Variants in LYPD6 observed in about 807,000 individuals in gnomAD.
LYPD6 encodes the protein ly6/PLAUR domain-containing protein 6.
Under a neutral mutation model 22.7 loss-of-function variants are expected in LYPD6, and 15 were observed. That is an observed-to-expected ratio of 0.66 (90% CI 0.44 to 1.02). The LOEUF is 1.02. Ranked by LOEUF, LYPD6 falls within the 50% of genes least tolerant of loss-of-function variation. The pLI, the probability that LYPD6 is intolerant of heterozygous loss-of-function variation, is 0.00. For synonymous variants in LYPD6, 72 were observed against 77.5 expected, an observed-to-expected ratio of 0.93 and a Z score of 0.37; for missense variants, 189 against 208.4, an observed-to-expected ratio of 0.91 and a Z score of 0.57.
chr2:149,427,147 A>G (rs371777679), intron 1 of LYPD6, among the ~76,000 whole-genome samples: 11 of 152,320 alleles, frequency 7.2e-5, no homozygotes, highest in East Asian at 3.9e-4. Flanking sequence ...AAGGATATAA[A>G]GCATATGCCT....
intron 1 of LYPD6, among the ~76,000 whole-genome samples, chr2:149,351,040 A>G (rs904404598): frequency 4.6e-5 from 7 of 152,228 alleles, no homozygotes; most frequent in Admixed American, 1.3e-4. Context: ...GCAGAATGAC[A>G]TTAGATGAGG....
chr2:149,482,434 G>C, the LYPD6 span, among the ~76,000 whole-genome samples: 1 of 152,292 alleles, frequency 6.6e-6, no homozygotes, highest in Non-Finnish European at 1.5e-5. Flanking sequence ...TGACGAAGAA[G>C]GTAGTTATTA....
intron 1 of LYPD6, among the ~76,000 whole-genome samples, chr2:149,407,060 C>T (rs908334258): frequency 1.9e-4 from 29 of 152,042 alleles, no homozygotes; most frequent in Admixed American, 3.3e-4. Context: ...GAATATTGGC[C>T]CCCACTCTCT....
At chr2:149,381,488 T>A (rs1445733342) in intron 1 of LYPD6, among the ~76,000 whole-genome samples, 1 of 152,156 alleles carries the variant, frequency 6.6e-6, no homozygotes, top group Admixed American at 6.5e-5. Flanking sequence ...GAGGTGGTGG[T>A]GAGACCATGT....
intron 1 of LYPD6, among the ~76,000 whole-genome samples, chr2:149,355,876 G>T (rs1424049284): frequency 6.6e-6 from 1 of 151,954 alleles, no homozygotes; most frequent in African/African-American, 2.4e-5. Flanking sequence ...TCTTTCACTT[G>T]ACTTACTCTC....
downstream of LYPD6, among the ~76,000 whole-genome samples, chr2:149,474,891 C>T (rs2105189277): frequency 6.6e-6 from 1 of 152,222 alleles, no homozygotes; most frequent in South Asian, 2.1e-4. Flanking sequence ...GCCTCAGCCT[C>T]CCAGGTAGCT....
At chr2:149,430,924 A>G (rs1428714949) in intron 1 of LYPD6, among the ~76,000 whole-genome samples, 1 of 152,078 alleles carries the variant, frequency 6.6e-6, no homozygotes, top group East Asian at 1.9e-4. Flanking sequence ...ATCCTCCTTT[A>G]TATTGTCTAG....
chr2:149,374,148 A>G (rs1210238410), intron 1 of LYPD6, among the ~76,000 whole-genome samples: 1 of 152,218 alleles, frequency 6.6e-6, no homozygotes, highest in East Asian at 1.9e-4. Flanking sequence ...TCTTAAACTT[A>G]TGGAAATCTC....
At chr2:149,355,011 A>G (rs542818111) in intron 1 of LYPD6, among the ~76,000 whole-genome samples, 1 of 152,282 alleles carries the variant, frequency 6.6e-6, no homozygotes, top group African/African-American at 2.4e-5. Flanking sequence ...GCCACTAGAC[A>G]CTCAAATAGA....
downstream of LYPD6, among the ~76,000 whole-genome samples, chr2:149,477,459 C>T (rs1466064874): frequency 6.6e-6 from 1 of 151,700 alleles, no homozygotes; most frequent in Non-Finnish European, 1.5e-5. Context: ...ACTGTCTCTA[C>T]TAAAAAAACA....
At chr2:149,452,349 T>G (rs1039193921) in intron 3 of LYPD6, among the ~76,000 whole-genome samples, 1 of 152,228 alleles carries the variant, frequency 6.6e-6, no homozygotes, top group African/African-American at 2.4e-5. Context: ...TCTTCTGCTC[T>G]TTCCTCCAGG....
intron 1 of LYPD6, among the ~76,000 whole-genome samples, chr2:149,359,621 G>T (rs1471374325): frequency 3.3e-5 from 5 of 152,210 alleles, no homozygotes; most frequent in Non-Finnish European, 5.9e-5. Context: ...TTAAATTACA[G>T]AAAAGGACCA....
intron 1 of LYPD6, among the ~76,000 whole-genome samples, chr2:149,339,250 G>A (rs956236684): frequency 2.6e-5 from 4 of 152,176 alleles, no homozygotes; most frequent in African/African-American, 9.7e-5. Flanking sequence ...TTGCCATCAG[G>A]TGCTTCTCTT....
At chr2:149,409,631 G>A (rs561301519) in intron 1 of LYPD6, among the ~76,000 whole-genome samples, 3 of 152,258 alleles carry the variant, frequency 2.0e-5, no homozygotes, top group Admixed American at 6.5e-5. Context: ...TGCAGCTGTT[G>A]TGGGGGTTGG....
At chr2:149,417,185 A>G (rs1682983300) in intron 1 of LYPD6, among the ~76,000 whole-genome samples, 1 of 152,196 alleles carries the variant, frequency 6.6e-6, no homozygotes, top group Admixed American at 6.5e-5. Context: ...TGCCAAGGGC[A>G]ATTTCTTAAA....
chr2:149,478,401 C>CGT (rs1558822887), downstream of LYPD6, among the ~76,000 whole-genome samples: 103 of 42,684 alleles, frequency 2.4e-3, no homozygotes, highest in Non-Finnish European at 5.5e-3. Flanking sequence ...TGTGTGTGTG[C>CGT]GCGCACGCAT....
chr2:149,417,769 C>T (rs1682996241), intron 1 of LYPD6, among the ~76,000 whole-genome samples: 1 of 151,986 alleles, frequency 6.6e-6, no homozygotes, highest in Non-Finnish European at 1.5e-5. Context: ...TAATTTTTTT[C>T]TTCCAAAAAA....
chr2:149,343,892 GAA>G (rs5835273), intron 1 of LYPD6, among the ~76,000 whole-genome samples: 1 of 147,712 alleles, frequency 6.8e-6, no homozygotes, highest in African/African-American at 2.5e-5. Context: ...GATATTACAG[GAA>G]AAAAAAAACA....
intron 1 of LYPD6, among the ~76,000 whole-genome samples, chr2:149,390,941 G>A (rs1464175382): frequency 6.6e-6 from 1 of 152,168 alleles, no homozygotes; most frequent in African/African-American, 2.4e-5. Flanking sequence ...CTTTCAACCT[G>A]TATGGTGAGC....
Sources: gnomAD v4.1 joint callset for allele counts (sites outside exome capture counted in the v4.1 genomes callset) on GRCh38, gnomAD v4.1.1 for gene constraint, MANE v1.5 for transcripts, NCBI Gene and HGNC (gene_info 2026-07-23, HGNC 2026-07-21) for gene names.